Variants in ATXN1 observed in about 807,000 individuals in gnomAD.
ATXN1 encodes ataxin-1.
A neutral mutation model predicts 56.4 loss-of-function variants in ATXN1; 8 were observed. The observed-to-expected ratio is 0.14, with a 90% CI of 0.08 to 0.26. ATXN1 has a LOEUF of 0.26. ATXN1 is among the 10% of genes least tolerant of loss of function. The pLI is 1.00. For synonymous variants in ATXN1, 514 were observed against 494.6 expected (o/e 1.04, Z -0.52); for missense variants, 987 against 1,106.5 (o/e 0.89, Z 1.53).
chr6:16,711,967 A>G (rs1194262233), intron 2 of ATXN1, among the ~76,000 whole-genome samples: 1 of 88,040 alleles, frequency 1.1e-5, no homozygotes, highest in Non-Finnish European at 2.2e-5. Flanking sequence ...CAGATACGAA[A>G]AAGTACTGAC....
At chr6:16,610,586 A>T (rs1355794172) in intron 3 of ATXN1, among the ~76,000 whole-genome samples, 2 of 152,116 alleles carry the variant, frequency 1.3e-5, no homozygotes, top group Admixed American at 6.5e-5. Context: ...AGAGTTAAAA[A>T]ATAAAAAAGG....
chr6:16,330,548 C>T (rs1475665924), intron 6 of ATXN1, among the ~76,000 whole-genome samples: 1 of 152,026 alleles, frequency 6.6e-6, no homozygotes, highest in East Asian at 1.9e-4. Flanking sequence ...CGCCACCACA[C>T]CCGGCTAATT....
chr6:16,753,695 G>A (rs752411865), intron 1 of ATXN1, among the ~76,000 whole-genome samples: 47 of 152,190 alleles, frequency 3.1e-4, no homozygotes, highest in Admixed American at 8.5e-4. Flanking sequence ...GGAGTATCAG[G>A]TGAAAATGGG....
In ATXN1 at chr6:16,328,578, A is replaced by C; in HGVS notation, c.-160-108T>G. 2.4e-6 allele frequency: 1 copy of C among 417,524 alleles called. No individual in the cohort carries two copies. Among genetic ancestry groups the C allele is most frequent in the Non-Finnish European group, 3.9e-6 (1 of 256,268 alleles). The allele number at this position is 417,524 out of a possible 1,614,324, so 25.9% of individuals were successfully genotyped here. A position where few individuals can be genotyped will look rare whatever the true frequency, so the allele number is the denominator to read the frequency against. ...CACCGGGGAAAGAACATCTTTGGCA[A>C]GATTAAGACTAGGCCCTGGACTCGG... On this transcript the variant is annotated intron_variant, in intron 6 of 7. Transcript: ENST00000436367. This position sits in a 1 kb window ranked among gnomAD's most constrained non-coding sequence, Gnocchi z 6.2.
At chr6:16,377,619 G>C (rs1344492555) in intron 6 of ATXN1, among the ~76,000 whole-genome samples, 1 of 152,138 alleles carries the variant, frequency 6.6e-6, no homozygotes, top group African/African-American at 2.4e-5. Context: ...ACTGGGGGTA[G>C]CTGAATGGTG....
chr6:16,451,492 A>T (rs899557103), intron 6 of ATXN1, among the ~76,000 whole-genome samples: 2 of 152,188 alleles, frequency 1.3e-5, no homozygotes, highest in African/African-American at 4.8e-5. Context: ...GCAGTGCCTC[A>T]TGCCTGTAAT....
At chr6:16,573,927 C>T (rs1223051924) in intron 4 of ATXN1, among the ~76,000 whole-genome samples, 1 of 152,226 alleles carries the variant, frequency 6.6e-6, no homozygotes, top group African/African-American at 2.4e-5. Flanking sequence ...CTCTTCTGAA[C>T]CTGACACTGG....
In ATXN1 at chr6:16,682,203, C is replaced by CT. The variant is rs10528588; in HGVS notation, c.-614-24303dup. On this transcript the variant is annotated intron_variant, in intron 2 of 7. Coordinates refer to ENST00000436367, the MANE Select transcript of ATXN1 (RefSeq NM_001128164.2). The stretch of plus-strand genomic sequence containing the variant: ...ATTCAGTAGAGGCCACTGGGGAGAA[C>CT]TTTTTTTTTTTGAGATGGAGTCTCA... Among the ~76,000 whole-genome samples the CT allele has an allele frequency of 3.2e-3, 378 of 116,970 alleles. 17 individuals are homozygous for CT. Among genetic ancestry groups the CT allele is most frequent in the African/African-American group, 0.011 (328 of 30,384 alleles). 76.7% of individuals were successfully genotyped at this position (116,970 alleles called of 152,430 possible).
At chr6:16,636,947 A>G (rs1763608706) in intron 3 of ATXN1, among the ~76,000 whole-genome samples, 1 of 152,224 alleles carries the variant, frequency 6.6e-6, no homozygotes, top group African/African-American at 2.4e-5. Context: ...GCGATTCCTC[A>G]AGGATCTAGA....
intron 6 of ATXN1, among the ~76,000 whole-genome samples, chr6:16,439,699 C>A (rs1759474713): frequency 6.6e-6 from 1 of 152,116 alleles, no homozygotes; most frequent in Non-Finnish European, 1.5e-5. Context: ...TGACCGAAAT[C>A]AAACTTTTCA....
At chr6:16,553,091 T>G (rs1761951983) in intron 4 of ATXN1, among the ~76,000 whole-genome samples, 1 of 152,232 alleles carries the variant, frequency 6.6e-6, no homozygotes, top group Non-Finnish European at 1.5e-5. Flanking sequence ...AGGTGGCCTC[T>G]CTACGTGGCT....
At chr6:16,537,847 A>T (rs1761635012) in intron 4 of ATXN1, among the ~76,000 whole-genome samples, 1 of 152,170 alleles carries the variant, frequency 6.6e-6, no homozygotes, top group Non-Finnish European at 1.5e-5. Context: ...TCACACCTGT[A>T]ATACCAGCAC....
intron 6 of ATXN1, among the ~76,000 whole-genome samples, chr6:16,373,041 G>A (rs1244710384): frequency 2.0e-5 from 3 of 152,204 alleles, no homozygotes; most frequent in Non-Finnish European, 2.9e-5. Flanking sequence ...CATGTGATAC[G>A]AGGTTGAACA....
chr6:16,526,038 A>AATCT (rs954714029), intron 4 of ATXN1, among the ~76,000 whole-genome samples: 2 of 86,382 alleles, frequency 2.3e-5, no homozygotes, highest in African/African-American at 1.6e-4. Flanking sequence ...TATAGAAATA[A>AATCT]ATCTATATAT....
intron 6 of ATXN1, among the ~76,000 whole-genome samples, chr6:16,395,270 CAAAAAA>C (rs748314030): frequency 2.1e-5 from 1 of 48,456 alleles, no homozygotes; most frequent in Non-Finnish European, 3.9e-5. Context: ...AACTCCGTCT[CAAAAAA>C]AAAAAAAAAA....
chr6:16,695,635 C>G (rs1759149092), intron 2 of ATXN1, among the ~76,000 whole-genome samples: 1 of 152,192 alleles, frequency 6.6e-6, no homozygotes, highest in Non-Finnish European at 1.5e-5. Context: ...GTGGTTAACA[C>G]TGAAGTTCTA....
At chr6:16,351,441 C>T (rs1258745185) in intron 6 of ATXN1, among the ~76,000 whole-genome samples, 2 of 147,086 alleles carry the variant, frequency 1.4e-5, no homozygotes, top group Non-Finnish European at 3.0e-5. Context: ...CTCACTCTGT[C>T]ATACAGGCTG....
chr6:16,611,853 T>A (rs1208897860), intron 3 of ATXN1, among the ~76,000 whole-genome samples: 2 of 108,140 alleles, frequency 1.8e-5, no homozygotes, highest in Admixed American at 1.8e-4. Flanking sequence ...GATGAAATTT[T>A]TTTTTTTTTT....
chr6:16,572,046 G>A (rs140274213), intron 4 of ATXN1, among the ~76,000 whole-genome samples: 9 of 152,212 alleles, frequency 5.9e-5, no homozygotes, highest in African/African-American at 1.7e-4. Context: ...TGCCATGGCC[G>A]GTTCCTATTC....
Sources: allele counts gnomAD v4.1 joint callset (sites outside exome capture counted in the v4.1 genomes callset), GRCh38; gene constraint gnomAD v4.1.1; non-coding constraint Gnocchi (gnomAD v3.1); transcripts MANE v1.5; gene names NCBI Gene and HGNC (gene_info 2026-07-23, HGNC 2026-07-21).